Variants in LRPPRC observed in about 807,000 individuals in gnomAD.
The protein encoded by LRPPRC is leucine-rich PPR motif-containing protein, mitochondrial.
LRPPRC carries 120 observed loss-of-function variants against 180.3 expected under a neutral mutation model. The ratio of observed to expected loss-of-function variants is 0.67; its 90% CI spans 0.57 to 0.77. The LOEUF (loss-of-function observed/expected upper bound fraction) is 0.77. Ranked by LOEUF, LRPPRC falls within the 30% of genes least tolerant of loss-of-function variation. The pLI, the probability that LRPPRC is intolerant of heterozygous loss-of-function variation, is 0.00. For missense variants in LRPPRC, 2,012 were observed against 1,657.2 expected (o/e 1.21, Z -3.72); for synonymous variants, 723 against 600.0 (o/e 1.21, Z -3.00).
At chr2:43,939,390 T>G (rs556887094) in intron 23 of LRPPRC, among the ~76,000 whole-genome samples, 1 of 152,328 alleles carries the variant, frequency 6.6e-6, no homozygotes, top group Non-Finnish European at 1.5e-5. Context: ...TTATACATTG[T>G]TAGTGAAGTG....
chr2:43,986,413 A>G (rs1289534655), intron 1 of LRPPRC, among the ~76,000 whole-genome samples: 1 of 152,142 alleles, frequency 6.6e-6, no homozygotes, highest in Non-Finnish European at 1.5e-5. Flanking sequence ...TACAGGCATG[A>G]GCCACCATGC....
chr2:43,977,106 G>GA (rs752348202), intron 4 of LRPPRC, 49 bp downstream of exon 4: 31 of 1,606,876 alleles, frequency 1.9e-5, no homozygotes, highest in Non-Finnish European at 2.0e-5. Context: ...TCTGAGTAAA[G>GA]AAAAAAAATG....
At chr2:43,935,846 C>T (rs1447088314) in intron 23 of LRPPRC, among the ~76,000 whole-genome samples, 1 of 152,198 alleles carries the variant, frequency 6.6e-6, no homozygotes, top group Non-Finnish European at 1.5e-5. Context: ...GGTGCGGTGG[C>T]TCATGCCTGT....
rs1213136052 is a variant in LRPPRC at position 43,934,640 on chromosome 2, A to C, written c.2629+114T>G. The C allele has an allele frequency of 4.7e-6, 4 of 854,590 alleles. No homozygotes were observed. The East Asian group carries it at 1.0e-4, about 22-fold the overall frequency. 52.9% of individuals were successfully genotyped at this position (854,590 alleles called of 1,614,324 possible). ...TTTCTTTTAGATTTCACAAGTATAA[A>C]GAAAGTTTATCTGAATGTGCTGGCC... On this transcript the variant is annotated intron_variant, in intron 24 of 37. Transcript: ENST00000260665.
chr2:43,975,096 T>TA lies in LRPPRC; in HGVS notation c.858dup (p.Lys287Ter). 6.2e-7 allele frequency: 1 copy of TA among 1,612,910 alleles called. No individual in the cohort carries two copies. Among genetic ancestry groups the TA allele is most frequent in the Admixed American group, 1.7e-5 (1 of 60,018 alleles). ...TATTTAGACATAAGTCATACCTGCTTAACATGGTCAATGTCGCCCTTCTCA... is the reference window on the plus strand; with the variant it reads ...TATTTAGACATAAGTCATACCTGCTTAAACATGGTCAATGTCGCCCTTCTCA... On this transcript the variant is annotated frameshift_variant, in exon 7 of 38. Coordinates refer to ENST00000260665, the MANE Select transcript of LRPPRC (RefSeq NM_133259.4). LOFTEE classifies it high-confidence loss of function.
chr2:43,952,412 AG>A (rs1408696181), intron 14 of LRPPRC, among the ~76,000 whole-genome samples: 1 of 152,234 alleles, frequency 6.6e-6, no homozygotes, highest in African/African-American at 2.4e-5. Context: ...AGCTGTTGTA[AG>A]GAACAGTTAC....
intron 1 of LRPPRC, among the ~76,000 whole-genome samples, chr2:43,988,004 G>A (rs947329279): frequency 3.3e-5 from 5 of 152,084 alleles, no homozygotes; most frequent in Admixed American, 2.6e-4. Context: ...AGCACTTTTG[G>A]AGGCCGAGGT....
At chr2:43,991,964 A>G (rs1674801247) in intron 1 of LRPPRC, among the ~76,000 whole-genome samples, 1 of 152,226 alleles carries the variant, frequency 6.6e-6, no homozygotes. Context: ...TGATTCACTC[A>G]ACAAACATTT....
intron 31 of LRPPRC, among the ~76,000 whole-genome samples, chr2:43,905,337 T>C (rs935487596): frequency 6.6e-6 from 1 of 152,222 alleles, no homozygotes; most frequent in African/African-American, 2.4e-5. Flanking sequence ...AGTATGTTAA[T>C]TTCCAAAGCA....
intron 36 of LRPPRC, 102 bp downstream of exon 36, chr2:43,894,443 C>G: frequency 1.5e-6 from 1 of 681,978 alleles, no homozygotes; most frequent in Non-Finnish European, 2.7e-6. Context: ...GAGCTGAAGA[C>G]TAAGACTTAG....
At chr2:43,912,748 G>C (rs1420325623) in intron 29 of LRPPRC, among the ~76,000 whole-genome samples, 190 bp from the exon 30 acceptor site, 1 of 152,018 alleles carries the variant, frequency 6.6e-6, no homozygotes, top group African/African-American at 2.4e-5. Flanking sequence ...CTACAGGTTT[G>C]GAAACTACAC....
intron 31 of LRPPRC, chr2:43,904,708 A>AC (rs1182878873): frequency 2.8e-4 from 26 of 91,406 alleles, no homozygotes; most frequent in South Asian, 7.3e-4. Context: ...AAACAAAAAC[A>AC]AAAAAAAAAA....
chr2:43,929,192 T>C (rs918002107), intron 25 of LRPPRC, among the ~76,000 whole-genome samples: 2 of 152,216 alleles, frequency 1.3e-5, no homozygotes, highest in African/African-American at 4.8e-5. Context: ...CATCCTTTTC[T>C]TGAAATGTCA....
intron 16 of LRPPRC, 54 bp downstream of exon 16, chr2:43,949,548 A>T: frequency 7.4e-7 from 1 of 1,354,256 alleles, no homozygotes; most frequent in Non-Finnish European, 1.1e-6. Context: ...ACCCATCATT[A>T]CACAGAAAAA....
chr2:43,949,480 C>T lies in LRPPRC; in HGVS notation c.1735+122G>A, dbSNP rs1296724157. ...TTGTAATCAATATAAAGATTTATAA[C>T]CAAATGTTTTCAAATTCCACTTTAA... On this transcript the variant is annotated intron_variant, in intron 16 of 37. Coordinates refer to ENST00000260665, the MANE Select transcript of LRPPRC (RefSeq NM_133259.4). 16 of 742,536 alleles carry T rather than the reference C, an allele frequency of 2.2e-5. No homozygotes were observed. In the Admixed American group the frequency reaches 2.8e-4, roughly 13 times the overall value. The allele number at this position is 742,536 out of a possible 1,614,324, so 46.0% of individuals were successfully genotyped here. A position where few individuals can be genotyped will look rare whatever the true frequency, so the allele number is the denominator to read the frequency against.
intron 11 of LRPPRC, among the ~76,000 whole-genome samples, chr2:43,969,864 C>T (rs1265379928): frequency 6.6e-6 from 1 of 152,008 alleles, no homozygotes; most frequent in Non-Finnish European, 1.5e-5. Context: ...TTTGTAGAGA[C>T]AGGATTTTGC....
intron 27 of LRPPRC, among the ~76,000 whole-genome samples, chr2:43,924,365 G>T (rs1393571633): frequency 6.6e-6 from 1 of 152,146 alleles, no homozygotes. Context: ...GAAAGTTTCA[G>T]AAATGTCAAA....
chr2:43,904,303 G>A (rs1345338585), intron 31 of LRPPRC: 3 of 152,094 alleles, frequency 2.0e-5, no homozygotes, highest in African/African-American at 7.2e-5. Context: ...TAATCAATTA[G>A]GAAGACAGCT....
chr2:43,910,906 T>A (rs1306643253), intron 30 of LRPPRC, among the ~76,000 whole-genome samples: 1 of 152,164 alleles, frequency 6.6e-6, no homozygotes, highest in African/African-American at 2.4e-5. Context: ...TAATTTTTTT[T>A]AAGTTTTCTG....
Sources: gnomAD v4.1 joint callset for allele counts (sites outside exome capture counted in the v4.1 genomes callset) on GRCh38, gnomAD v4.1.1 for gene constraint, MANE v1.5 for transcripts, NCBI Gene and HGNC (gene_info 2026-07-23, HGNC 2026-07-21) for gene names.